The following TOPORS variants were observed in gnomAD, a reference collection of about 807,000 sequenced individuals.
TOPORS encodes the protein E3 ubiquitin-protein ligase Topors.
In TOPORS, 25 loss-of-function variants were observed where a neutral mutation model predicts 81.4. The observed-to-expected ratio is 0.31, with a 90% confidence interval of 0.22 to 0.43. TOPORS has a LOEUF of 0.43. TOPORS is among the 20% of genes least tolerant of loss of function. The probability of loss-of-function intolerance (pLI) is 1.00; values close to 1 mark genes in which losing one functional copy is unlikely to be tolerated. For missense variants in TOPORS, 1,101 were observed against 1,267.0 expected, an observed-to-expected ratio of 0.87 and a Z score of 1.99; for synonymous variants, 473 against 456.6, an observed-to-expected ratio of 1.04 and a Z score of -0.46.
intron 2 of TOPORS, among the ~76,000 whole-genome samples, chr9:32,544,752 A>T (rs1821119827): frequency 6.8e-6 from 1 of 147,590 alleles, no homozygotes; most frequent in African/African-American, 2.5e-5. Flanking sequence ...CTGACATATA[A>T]AAAAAAAAAG....
At chr9:32,548,351 C>T (rs536794985) in intron 2 of TOPORS, among the ~76,000 whole-genome samples, 2 of 151,020 alleles carry the variant, frequency 1.3e-5, no homozygotes, top group South Asian at 2.1e-4. Flanking sequence ...TGGAGAAACC[C>T]GGTCTCTACT....
intron 1 of TOPORS, chr9:32,551,379 C>T (rs1376318117): frequency 3.0e-6 from 1 of 337,470 alleles, no homozygotes; most frequent in African/African-American, 2.1e-5. Flanking sequence ...TGTTGTACGC[C>T]TCCCGGAAGC....
chr9:32,547,836 T>C (rs1821159996), intron 2 of TOPORS, among the ~76,000 whole-genome samples: 1 of 151,972 alleles, frequency 6.6e-6, no homozygotes, highest in African/African-American at 2.4e-5. Context: ...TGTAATCTTT[T>C]ATTTTATTTT....
At chr9:32,545,837 T>C (rs906985989) in intron 2 of TOPORS, among the ~76,000 whole-genome samples, 1 of 152,154 alleles carries the variant, frequency 6.6e-6, no homozygotes, top group African/African-American at 2.4e-5. Flanking sequence ...CCACCTCCTT[T>C]ATCACAGGAG....
chr9:32,543,735 G>A lies in TOPORS; in HGVS notation c.790C>T (p.Arg264Cys), dbSNP rs761779105. Reference sequence around the variant, plus strand: ...ATATTTCTAACTCGAGCACCAGCACGATAAAGAGTTCGTCTAAAATTAATA... The same window carrying A: ...ATATTTCTAACTCGAGCACCAGCACAATAAAGAGTTCGTCTAAAATTAATA... ...DIINFRRTLYRAGARVRNIED... is the reference protein window; with the variant it reads ...DIINFRRTLYCAGARVRNIED... Residue 264 changes from arginine (R) to cysteine (C), a missense_variant, in exon 3 of 3, where the codon CGT becomes TGT. Transcript: ENST00000360538. The surrounding 1 kb of genome is among the most constrained non-coding windows in gnomAD (Gnocchi z 5.6). 6.2e-6 allele frequency: 10 copies of A among 1,611,784 alleles called. No individual in the cohort carries two copies. The highest frequency in any genetic ancestry group is 7.6e-6 in the Non-Finnish European group (9 of 1,178,698).
Position 32,543,755 on chromosome 9 carries a change from TTAA to T in TOPORS, c.767_769del (p.Ile256del). ...AGCACGATAAAGAGTTCGTCTAAAA[TTAA>T]TAATATCTTGTTCTTGAATTTTCCG... On this transcript the variant is annotated inframe_deletion, in exon 3 of 3. Transcript: ENST00000360538. The surrounding 1 kb of genome is among the most constrained non-coding windows in gnomAD (Gnocchi z 5.6). 2 of 1,611,336 alleles carry T rather than the reference TTAA, an allele frequency of 1.2e-6. No homozygotes were observed. Among genetic ancestry groups the T allele is most frequent in the Non-Finnish European group, 1.7e-6 (2 of 1,178,264 alleles).
chr9:32,546,158 C>T (rs1182757802), intron 2 of TOPORS, among the ~76,000 whole-genome samples: 1 of 152,132 alleles, frequency 6.6e-6, no homozygotes. Flanking sequence ...CATCACTGTC[C>T]TGGAAGGTCT....
At position 32,542,470 on chromosome 9, in the gene TOPORS, T is replaced by C; in HGVS notation, c.2055A>G (p.Arg685=). The change falls in exon 3 of 3, where the codon AGA becomes AGG. Residue 685 remains arginine (R), a synonymous_variant. Transcript: ENST00000360538. The part of the protein sequence containing the change: ...SDHGKRRSRS[R]NRDRYYLRNN... ...TTCTTAAATAATAACGATCTCTATT[T>C]CTGCTCCGTGATCTTCTTTTACCAT... 6.2e-7 allele frequency: 1 copy of C among 1,613,762 alleles called. No homozygotes were observed. The highest frequency in any genetic ancestry group is 8.5e-7 in the Non-Finnish European group (1 of 1,180,026).
chr9:32,541,704 C>G lies in TOPORS; in HGVS notation c.2821G>C (p.Ala941Pro). The G allele has an allele frequency of 6.2e-7, 1 of 1,614,138 alleles. No individual in the cohort carries two copies. The highest frequency in any genetic ancestry group is 8.5e-7 in the Non-Finnish European group (1 of 1,180,012). ...PQDPLQNEFL[A>P]PSLEPFETKD... ...GTTTCAAATGGTTCCAAGGAAGGAG[C>G]CAAAAACTCATTTTGTAGAGGGTCT... Residue 941 changes from alanine to proline, a missense_variant, in exon 3 of 3, where the codon GCT becomes CCT. By Grantham distance (27) the Ala-to-Pro change is conservative (BLOSUM62 -1). Coordinates refer to ENST00000360538, the MANE Select transcript of TOPORS (RefSeq NM_005802.5).
At chr9:32,551,293 T>G in intron 1 of TOPORS, 1 of 502,834 alleles carries the variant, frequency 2.0e-6, no homozygotes. Flanking sequence ...CTTACCAAAC[T>G]CTGCGGAAAC....
intron 2 of TOPORS, among the ~76,000 whole-genome samples, chr9:32,546,984 G>A (rs1821147888): frequency 6.6e-6 from 1 of 152,208 alleles, no homozygotes; most frequent in Non-Finnish European, 1.5e-5. Flanking sequence ...GCTGCAGTGA[G>A]CCATAATTGC....
chr9:32,551,041 C>T (rs1349048182), intron 1 of TOPORS, 73 bp from the exon 2 acceptor site: 2 of 1,540,030 alleles, frequency 1.3e-6, no homozygotes, highest in East Asian at 4.6e-5. Flanking sequence ...CCCCCAGCTC[C>T]CGCGCATCAA....
chr9:32,551,959 T>C (rs981203462), intron 1 of TOPORS, among the ~76,000 whole-genome samples: 1 of 151,656 alleles, frequency 6.6e-6, no homozygotes, highest in Non-Finnish European at 1.5e-5. Context: ...CGAACGTCCA[T>C]CTAAATCGTG....
chr9:32,551,789 G>C (rs1296703780), intron 1 of TOPORS: 4 of 453,176 alleles, frequency 8.8e-6, no homozygotes, highest in Non-Finnish European at 1.8e-5. Flanking sequence ...CTTGTTGCTT[G>C]ACTGATACAT....
In TOPORS at chr9:32,542,307, T is replaced by C. The variant is rs1400453532; in HGVS notation, c.2218A>G (p.Arg740Gly). 1 of 1,614,202 alleles carries C rather than the reference T, an allele frequency of 6.2e-7. No homozygotes were observed. Among genetic ancestry groups the C allele is most frequent in the East Asian group, 2.2e-5 (1 of 44,890 alleles). Residue 740 changes from arginine (R) to glycine (G), a missense_variant, in exon 3 of 3, where the codon AGA (arginine) becomes GGA (glycine). By Grantham distance (125) the Arg-to-Gly change is moderately radical (BLOSUM62 -2). Coordinates refer to ENST00000360538, the MANE Select transcript of TOPORS (RefSeq NM_005802.5). ...YSRQSSSPEF[R>G]VQSFSERTNA... ...GTTCTTTCAGAAAAGGACTGAACTC[T>C]AAATTCTGGACTTGAAGACTGTCTA...
At position 32,550,789 on chromosome 9, in the gene TOPORS, C is replaced by T. The variant is rs769138689; in HGVS notation, c.183G>A (p.Ala61=). 2 of 1,612,902 alleles carry T rather than the reference C, an allele frequency of 1.2e-6. No homozygotes were observed. The highest frequency in any genetic ancestry group is 2.2e-5 in the East Asian group (1 of 44,862). Residue 61 remains alanine, a synonymous_variant, in exon 2 of 3, where the codon GCG becomes GCA. Transcript: ENST00000360538. ...ELAASAPARP[A]PASSEIMASA... ...TCTCACTCACCTCGGAGGATGCCGG[C>T]GCAGGCCTGGCTGGGGCGCTCGCCG...
rs1483275224 is a variant in TOPORS, at chr9:32,542,157, C to G, written c.2368G>C (p.Glu790Gln). The G allele has an allele frequency of 6.2e-7, 1 of 1,614,054 alleles. No individual in the cohort carries two copies. The highest frequency in any genetic ancestry group is 1.7e-5 in the Admixed American group (1 of 59,994). The change falls in exon 3 of 3, where the codon GAA becomes CAA. Residue 790 changes from glutamate to glutamine, a missense_variant. Glu to Gln is a conservative substitution (Grantham distance 29). Around this residue, in one of 9 missense-constraint regions of TOPORS, gnomAD observed 605 missense variants for 636.1 expected, o/e 0.95. Transcript: ENST00000360538. ...ASTGTDRVRNEKPGGKRKYKT... is the reference protein window; with the variant it reads ...ASTGTDRVRNQKPGGKRKYKT... ...TATTTTCGTTTCCCTCCAGGCTTTTCATTTCTCACCCGGTCAGTCCCGGTA... is the reference window on the plus strand; with the variant it reads ...TATTTTCGTTTCCCTCCAGGCTTTTGATTTCTCACCCGGTCAGTCCCGGTA...
rs1461985447 is a variant in TOPORS at position 32,541,982 on chromosome 9, G to A, written c.2543C>T (p.Ser848Leu). 6.2e-7 allele frequency: 1 copy of A among 1,613,716 alleles called. No individual in the cohort carries two copies. Among genetic ancestry groups the A allele is most frequent in the African/African-American group, 1.3e-5 (1 of 74,870 alleles). ...NESDTFSDSR[S>L]SDRETKHKRR... ...TTTGTGTTTTGTCTCTCTGTCTGAT[G>A]ATCGGCTGTCTGAAAAGGTATCACT... The change falls in exon 3 of 3, where the codon TCA becomes TTA. Residue 848 changes from serine (S) to leucine (L), a missense_variant. Physicochemically the swap from Ser to Leu is moderately radical, Grantham distance 145 (BLOSUM62 -2). Transcript: ENST00000360538.
rs1391394734 is a variant in TOPORS at position 32,542,867 on chromosome 9, C to T, written c.1658G>A (p.Ser553Asn). Residue 553 changes from serine to asparagine, a missense_variant, in exon 3 of 3, where the codon AGT (serine) becomes AAT (asparagine). Ser to Asn is a conservative substitution (Grantham distance 46). Transcript: ENST00000360538. The part of the protein sequence containing the change: ...EQINKGHCDS[S>N]TRIKSKKEEK... ...TTCCTTCTTTGATTTGATTCTTGTACTAGAATCACAATGACCTTTATTTAT... is the reference window on the plus strand; with the variant it reads ...TTCCTTCTTTGATTTGATTCTTGTATTAGAATCACAATGACCTTTATTTAT... 1.2e-6 allele frequency: 2 copies of T among 1,613,930 alleles called. No individual in the cohort carries two copies. The highest frequency in any genetic ancestry group is 1.7e-6 in the Non-Finnish European group (2 of 1,180,014).
Sources: gnomAD v4.1 joint callset for allele counts (sites outside exome capture counted in the v4.1 genomes callset) on GRCh38, gnomAD v4.1.1 for gene constraint, gnomAD v4.1.1 regional missense constraint, Gnocchi (gnomAD v3.1) non-coding constraint, MANE v1.5 for transcripts, NCBI Gene and HGNC (gene_info 2026-07-23, HGNC 2026-07-21) for gene names.